PDZD2: variants seen among roughly 807,000 people sequenced by gnomAD.
PDZD2 encodes PDZ domain-containing protein 2.
Under a neutral mutation model 220.7 loss-of-function variants are expected in PDZD2, and 90 were observed. The observed-to-expected ratio is 0.41, with a 90% CI of 0.34 to 0.49. The LOEUF (loss-of-function observed/expected upper bound fraction) is 0.49. Among genes scored for constraint, PDZD2 ranks in the 20% least tolerant of loss-of-function variants. The pLI, the probability that PDZD2 is intolerant of heterozygous loss-of-function variation, is 0.28. For synonymous variants in PDZD2, 1,375 were observed against 1,450.5 expected (o/e 0.95, Z 1.18); for missense variants, 3,174 against 3,608.5 (o/e 0.88, Z 3.08).
At chr5:31,903,208 C>T (rs372306027) in intron 2 of PDZD2, among the ~76,000 whole-genome samples, 2 of 151,624 alleles carry the variant, frequency 1.3e-5, no homozygotes, top group Non-Finnish European at 2.9e-5. Context: ...GCGGGAAAAT[C>T]GCTTGAACCC....
chr5:32,032,759 G>T (rs1304965855), intron 6 of PDZD2, among the ~76,000 whole-genome samples: 1 of 152,138 alleles, frequency 6.6e-6, no homozygotes, highest in Non-Finnish European at 1.5e-5. Context: ...CCAAATGCAG[G>T]CCCATTTTTC....
rs1206392255 is a variant in PDZD2, at chr5:31,639,250, C to G, written c.-548C>G. 6.6e-6 allele frequency among the ~76,000 whole-genome samples: 1 copy of G among 151,178 alleles called. No individual in the cohort carries two copies. The highest frequency in any genetic ancestry group is 2.4e-5 in the African/African-American group (1 of 41,334). Reference sequence around the variant, plus strand: ...CTGCAGGCAGCCGAGGAGCCGCAGGCCGAACCCAAGGCACCGGGATTGCGC... The same window carrying G: ...CTGCAGGCAGCCGAGGAGCCGCAGGGCGAACCCAAGGCACCGGGATTGCGC... On this transcript the variant is annotated 5_prime_UTR_variant, in exon 1 of 25. Coordinates refer to ENST00000438447, the MANE Select transcript of PDZD2 (RefSeq NM_178140.4). This position sits in a 1 kb window ranked among gnomAD's most constrained non-coding sequence, Gnocchi z 4.1.
intron 2 of PDZD2, among the ~76,000 whole-genome samples, chr5:31,855,867 G>A (rs1298643879): frequency 1.3e-5 from 2 of 152,198 alleles, no homozygotes; most frequent in Non-Finnish European, 2.9e-5. Context: ...CTCTCTACTA[G>A]GTAGTTGATA....
At chr5:31,865,766 A>G (rs2150317262) in intron 2 of PDZD2, among the ~76,000 whole-genome samples, 1 of 147,376 alleles carries the variant, frequency 6.8e-6, no homozygotes, top group South Asian at 2.2e-4. Flanking sequence ...CAAGTAGCTG[A>G]GATTACAGGC....
At chr5:31,717,126 AG>A (rs1561403172) in intron 1 of PDZD2, among the ~76,000 whole-genome samples, 1 of 152,182 alleles carries the variant, frequency 6.6e-6, no homozygotes, top group African/African-American at 2.4e-5. Context: ...ATTAAAAAAA[AG>A]AGTCAATAGA....
At chr5:31,912,386 A>G (rs1316149410) in intron 2 of PDZD2, among the ~76,000 whole-genome samples, 1 of 152,084 alleles carries the variant, frequency 6.6e-6, no homozygotes, top group Non-Finnish European at 1.5e-5. Context: ...CCACCTCCTA[A>G]TATCATACCT....
intron 2 of PDZD2, among the ~76,000 whole-genome samples, chr5:31,825,719 A>C (rs546094848): frequency 2.0e-5 from 3 of 152,304 alleles, no homozygotes. Context: ...CACGGTAGTG[A>C]GCACTACACC....
At chr5:31,704,896 C>T (rs1019277917) in intron 1 of PDZD2, among the ~76,000 whole-genome samples, 6 of 152,136 alleles carry the variant, frequency 3.9e-5, no homozygotes, top group African/African-American at 1.4e-4. Flanking sequence ...TGCGGTGGCT[C>T]ACGCTTATAA....
chr5:32,074,361 C>G lies in PDZD2; in HGVS notation c.3255C>G (p.Pro1085=). ...AACTGTCAGGATCAAGTAGCGCACC[C>G]AAATTGGAATACACAGTCCGTACAG... ...KKELSGSSSA[P]KLEYTVRTDT... Residue 1085 remains proline, a synonymous_variant, in exon 18 of 25, where the codon CCC becomes CCG. Coordinates refer to ENST00000438447, the MANE Select transcript of PDZD2 (RefSeq NM_178140.4). 1 of 1,614,200 alleles carries G rather than the reference C, an allele frequency of 6.2e-7. No individual in the cohort carries two copies. The highest frequency in any genetic ancestry group is 8.5e-7 in the Non-Finnish European group (1 of 1,180,040).
At chr5:31,843,622 C>G (rs896253098) in intron 2 of PDZD2, 1 of 152,236 alleles carries the variant, frequency 6.6e-6, no homozygotes, top group Non-Finnish European at 1.5e-5. Flanking sequence ...AACCAGCCTG[C>G]CCGAGTTTCC....
At chr5:32,030,805 T>C (rs1481083610) in intron 6 of PDZD2, among the ~76,000 whole-genome samples, 1 of 152,186 alleles carries the variant, frequency 6.6e-6, no homozygotes, top group Non-Finnish European at 1.5e-5. Flanking sequence ...TAGCCTATTC[T>C]CCTCCTGCCA....
chr5:32,002,637 A>AC (rs1554022427), intron 5 of PDZD2, among the ~76,000 whole-genome samples: 5 of 125,792 alleles, frequency 4.0e-5, no homozygotes, highest in African/African-American at 3.2e-5. Flanking sequence ...ACACACCACC[A>AC]ACACACACAC....
intron 6 of PDZD2, among the ~76,000 whole-genome samples, chr5:32,014,809 G>C (rs2112105370): frequency 6.7e-6 from 1 of 148,400 alleles, no homozygotes; most frequent in Middle Eastern, 3.5e-3. Context: ...TCCACCTCCA[G>C]GGTTTAAGCG....
intron 2 of PDZD2, among the ~76,000 whole-genome samples, chr5:31,890,905 A>C (rs977527713): frequency 6.6e-5 from 10 of 152,120 alleles, no homozygotes; most frequent in Non-Finnish European, 1.5e-4. Flanking sequence ...TCTATCTTTC[A>C]TACCCTGTAA....
rs181115421 is a variant in PDZD2 at position 31,791,418 on chromosome 5, C to T, written c.-360-7471C>T. ...CCAGCCTGACCAACATGGAGAAACCCCGCCTCTACTAAAAATACAAAATTA... is the reference window on the plus strand; with the variant it reads ...CCAGCCTGACCAACATGGAGAAACCTCGCCTCTACTAAAAATACAAAATTA... On this transcript the variant is annotated intron_variant, in intron 1 of 24. Transcript: ENST00000438447. Among the ~76,000 whole-genome samples the T allele has an allele frequency of 5.3e-5, 8 of 151,938 alleles. No individual in the cohort carries two copies. In the East Asian group the frequency reaches 1.6e-3, roughly 30 times the overall value.
intron 5 of PDZD2, among the ~76,000 whole-genome samples, chr5:32,007,677 G>A (rs531129325): frequency 6.6e-6 from 1 of 152,210 alleles, no homozygotes; most frequent in South Asian, 2.1e-4. Flanking sequence ...TAACCCTCAC[G>A]CAATGTGATT....
chr5:31,876,196 G>C (rs539301163), intron 2 of PDZD2, among the ~76,000 whole-genome samples: 1 of 151,412 alleles, frequency 6.6e-6, no homozygotes, highest in East Asian at 1.9e-4. Flanking sequence ...TTCTAGTTTT[G>C]GTTACTATAC....
chr5:32,050,120 G>A (rs1187248442), intron 8 of PDZD2, among the ~76,000 whole-genome samples: 1 of 152,006 alleles, frequency 6.6e-6, no homozygotes, highest in Non-Finnish European at 1.5e-5. Context: ...TAGTAGAGAC[G>A]GGGTTTCATC....
chr5:31,799,960 A>G (rs1754298236), intron 2 of PDZD2, among the ~76,000 whole-genome samples: 1 of 152,154 alleles, frequency 6.6e-6, no homozygotes, highest in Non-Finnish European at 1.5e-5. Context: ...AGTCCCAGCA[A>G]CCGTGAGGCT....
Sources: allele counts gnomAD v4.1 joint callset (sites outside exome capture counted in the v4.1 genomes callset), GRCh38; gene constraint gnomAD v4.1.1; non-coding constraint Gnocchi (gnomAD v3.1); transcripts MANE v1.5; gene names NCBI Gene and HGNC (gene_info 2026-07-23, HGNC 2026-07-21).